The following ROBO2 variants were observed in gnomAD, a reference collection of about 807,000 sequenced individuals.
The protein encoded by ROBO2 is roundabout guidance receptor 2.
In ROBO2, 53 loss-of-function variants were observed where a neutral mutation model predicts 160.8. The observed-to-expected ratio is 0.33, with a 90% CI of 0.26 to 0.41. ROBO2 has a LOEUF of 0.41. ROBO2 is among the 10% of genes least tolerant of loss of function. The pLI is 1.00. For missense variants in ROBO2, 1,577 were observed against 1,722.4 expected, an observed-to-expected ratio of 0.92 and a Z score of 1.49; for synonymous variants, 664 against 611.7, an observed-to-expected ratio of 1.09 and a Z score of -1.26.
intron 2 of ROBO2, among the ~76,000 whole-genome samples, chr3:77,124,995 T>C (rs1238757810): frequency 6.6e-6 from 1 of 152,054 alleles, no homozygotes; most frequent in African/African-American, 2.4e-5. Context: ...AATACTTAAC[T>C]CTAATATGAT....
chr3:76,050,796 G>A (rs1399858946), intron 2 of ROBO2, among the ~76,000 whole-genome samples: 2 of 152,166 alleles, frequency 1.3e-5, no homozygotes, highest in African/African-American at 4.8e-5. Flanking sequence ...ACAGGGCTCA[G>A]CAGGTGAAAG....
intron 2 of ROBO2, among the ~76,000 whole-genome samples, chr3:77,258,741 G>A (rs1277331773): frequency 1.3e-5 from 2 of 151,972 alleles, no homozygotes; most frequent in South Asian, 2.1e-4. Context: ...TAGCATCAAG[G>A]CCTCCTTAAT....
intron 2 of ROBO2, among the ~76,000 whole-genome samples, chr3:77,274,729 A>G (rs2059716660): frequency 6.6e-6 from 1 of 152,132 alleles, no homozygotes; most frequent in Admixed American, 6.6e-5. Context: ...ACTTTGTAAT[A>G]GGTACTTTCC....
chr3:77,544,707 C>T (rs1464216276), intron 6 of ROBO2, among the ~76,000 whole-genome samples: 3 of 152,048 alleles, frequency 2.0e-5, no homozygotes, highest in African/African-American at 7.2e-5. Flanking sequence ...TTTTACCAGA[C>T]ATCACTCATG....
At position 76,241,340 on chromosome 3, in the gene ROBO2, G is replaced by C. The variant is rs184715007; in HGVS notation, c.109+303738G>C. 1.1e-4 allele frequency among the ~76,000 whole-genome samples: 16 copies of C among 152,322 alleles called. No individual in the cohort carries two copies. The East Asian group carries it at 2.7e-3, about 26-fold the overall frequency. On this transcript the variant is annotated intron_variant, in intron 2 of 26. Transcript: ENST00000487694. ...AGAAGTTGTTCAAACAAACGACGAT[G>C]TCAAAATCCATCAATAAACATATTC...
chr3:77,642,445 CTG>C (rs1449649140), intron 24 of ROBO2, among the ~76,000 whole-genome samples: 1 of 152,210 alleles, frequency 6.6e-6, no homozygotes, highest in East Asian at 1.9e-4. Flanking sequence ...CCACATTTAA[CTG>C]TTGAATAAAA....
At chr3:76,625,388 A>T (rs147189618) in intron 2 of ROBO2, among the ~76,000 whole-genome samples, 7 of 152,286 alleles carry the variant, frequency 4.6e-5, no homozygotes, top group African/African-American at 7.2e-5. Flanking sequence ...TTTCTATTCT[A>T]GGCACCAGAG....
intron 2 of ROBO2, among the ~76,000 whole-genome samples, chr3:76,627,326 C>T (rs567705552): frequency 6.6e-6 from 1 of 152,264 alleles, no homozygotes; most frequent in African/African-American, 2.4e-5. Context: ...TGTAGTTCAC[C>T]TCAAAGAGCA....
intron 4 of ROBO2, among the ~76,000 whole-genome samples, chr3:77,492,717 A>G (rs2086285200): frequency 6.6e-6 from 1 of 152,186 alleles, no homozygotes; most frequent in Non-Finnish European, 1.5e-5. Context: ...TAATCATGGG[A>G]ATATTGAGTC....
intron 2 of ROBO2, among the ~76,000 whole-genome samples, chr3:76,580,328 G>GTTTTTTTTTTTTTTTTTTTTTTTTT (rs748888426): frequency 1.3e-4 from 9 of 67,316 alleles, no homozygotes; most frequent in South Asian, 5.0e-4. Flanking sequence ...TTTTTTTTTT[G>GTTTTTTTTTTTTTTTTTTTTTTTTT]TTTTTTTTTT....
intron 2 of ROBO2, among the ~76,000 whole-genome samples, chr3:76,175,292 T>C (rs2073189844): frequency 6.6e-6 from 1 of 152,066 alleles, no homozygotes; most frequent in Admixed American, 6.6e-5. Context: ...AAATATACAA[T>C]CATGTCATCT....
At chr3:76,404,703 C>A (rs1180521427) in intron 2 of ROBO2, among the ~76,000 whole-genome samples, 2 of 150,974 alleles carry the variant, frequency 1.3e-5, no homozygotes, top group Non-Finnish European at 3.0e-5. Context: ...GAAATGCAGG[C>A]GTGTGGGTTG....
chr3:77,139,745 G>T (rs1405235328), intron 2 of ROBO2, among the ~76,000 whole-genome samples: 1 of 152,118 alleles, frequency 6.6e-6, no homozygotes, highest in Non-Finnish European at 1.5e-5. Flanking sequence ...GCTTTAAAAA[G>T]ACCTTTCATC....
At chr3:76,840,886 C>T (rs2148467310) in intron 2 of ROBO2, among the ~76,000 whole-genome samples, 1 of 151,944 alleles carries the variant, frequency 6.6e-6, no homozygotes, top group East Asian at 2.0e-4. Flanking sequence ...AGAAAACAAC[C>T]TCCAACTATT....
At chr3:76,655,527 A>C (rs2091475486) in intron 2 of ROBO2, among the ~76,000 whole-genome samples, 1 of 141,712 alleles carries the variant, frequency 7.1e-6, no homozygotes, top group Admixed American at 7.5e-5. Flanking sequence ...TGTTGCAGGA[A>C]GGAAACGAAG....
At chr3:76,155,219 G>A (rs750638272) in intron 2 of ROBO2, among the ~76,000 whole-genome samples, 10 of 152,018 alleles carry the variant, frequency 6.6e-5, no homozygotes, top group Non-Finnish European at 7.4e-5. Context: ...TGATGGCTTC[G>A]ATATCACTAA....
chr3:76,398,301 A>G (rs13065049), intron 2 of ROBO2, among the ~76,000 whole-genome samples: 26,023 of 147,338 alleles, frequency 0.18, 2,736 homozygotes, highest in African/African-American at 0.29. Flanking sequence ...CAGGAAGGGG[A>G]ACATCACACT....
At chr3:76,940,150 T>G (rs1338764857) in intron 2 of ROBO2, among the ~76,000 whole-genome samples, 1 of 151,746 alleles carries the variant, frequency 6.6e-6, no homozygotes, top group African/African-American at 2.4e-5. Context: ...CCCGGGTAAT[T>G]TTTTTGTATT....
At chr3:77,111,807 A>G (rs2073620093) in intron 2 of ROBO2, among the ~76,000 whole-genome samples, 1 of 152,226 alleles carries the variant, frequency 6.6e-6, no homozygotes, top group South Asian at 2.1e-4. Flanking sequence ...AACGAGGTTA[A>G]TAAAGAGATG....
Sources: allele counts gnomAD v4.1 joint callset (sites outside exome capture counted in the v4.1 genomes callset), GRCh38; gene constraint gnomAD v4.1.1; transcripts MANE v1.5; gene names NCBI Gene and HGNC (gene_info 2026-07-23, HGNC 2026-07-21).